DCDC1: variants seen among roughly 807,000 people sequenced by gnomAD.
DCDC1 encodes doublecortin domain-containing protein 1.
In DCDC1, 200 loss-of-function variants were observed where a neutral mutation model predicts 178.3. That is an observed-to-expected ratio of 1.12 (90% CI 1.00 to 1.26). DCDC1 has a LOEUF of 1.26. Among genes scored for constraint, DCDC1 ranks in the 50% most tolerant of loss-of-function variants. The pLI is 0.00. For missense variants in DCDC1, 1,983 were observed against 1,749.2 expected, an observed-to-expected ratio of 1.13 and a Z score of -2.38; for synonymous variants, 690 against 604.8, an observed-to-expected ratio of 1.14 and a Z score of -2.07.
At chr11:31,078,980 T>C (rs1444944450) in intron 17 of DCDC1, among the ~76,000 whole-genome samples, 2 of 152,046 alleles carry the variant, frequency 1.3e-5, no homozygotes, top group Non-Finnish European at 2.9e-5. Context: ...AACTTAGAAA[T>C]AGTAAGAAAC....
intron 9 of DCDC1, among the ~76,000 whole-genome samples, chr11:31,234,318 T>C (rs1175631903): frequency 6.6e-6 from 1 of 152,168 alleles, no homozygotes; most frequent in African/African-American, 2.4e-5. Context: ...GCAACATATA[T>C]AAAATAAGAG....
intron 25 of DCDC1, among the ~76,000 whole-genome samples, chr11:30,919,690 C>T (rs1946108233): frequency 6.6e-6 from 1 of 152,040 alleles, no homozygotes; most frequent in African/African-American, 2.4e-5. Flanking sequence ...ACTGAATCAC[C>T]CATCCAAATG....
At position 31,196,313 on chromosome 11, in the gene DCDC1, G is replaced by T. The variant is rs1358944846; in HGVS notation, c.1221+45137C>A. The stretch of plus-strand genomic sequence containing the variant: ...CTCCAAGTCTCTGGACACCAACTGG[G>T]TGTCCTACAATTTATTTCAATTCTG... On this transcript the variant is annotated intron_variant, in intron 9 of 38. Coordinates refer to ENST00000684477, the MANE Select transcript of DCDC1 (RefSeq NM_001387274.1). Among the ~76,000 whole-genome samples the T allele has an allele frequency of 2.6e-5, 4 of 152,002 alleles. No homozygotes were observed. The East Asian group carries it at 5.8e-4, about 22-fold the overall frequency.
rs1958168287 is a variant in DCDC1 at position 31,096,617 on chromosome 11, T to C, written c.1984-2433A>G. Among the ~76,000 whole-genome samples, 3 of 151,974 alleles carry C rather than the reference T, an allele frequency of 2.0e-5. No individual in the cohort carries two copies. The South Asian group carries it at 6.2e-4, about 32-fold the overall frequency. On this transcript the variant is annotated intron_variant, in intron 15 of 38. Coordinates refer to ENST00000684477, the MANE Select transcript of DCDC1 (RefSeq NM_001387274.1). ...TAACACCATGCTGTTCTTCAAGAGA[T>C]ATTTTGCTGGACAGTTCCCAAGTGA...
chr11:31,034,981 G>T (rs180785343), intron 20 of DCDC1, among the ~76,000 whole-genome samples: 2 of 152,168 alleles, frequency 1.3e-5, no homozygotes, highest in Admixed American at 1.3e-4. Context: ...GGATGTTTTA[G>T]GTCCAGGCAA....
chr11:31,189,093 A>G (rs145608922), intron 9 of DCDC1, among the ~76,000 whole-genome samples: 16 of 152,280 alleles, frequency 1.1e-4, no homozygotes, highest in Admixed American at 2.6e-4. Context: ...CACCAAAACT[A>G]TAAGTAATAA....
intron 20 of DCDC1, among the ~76,000 whole-genome samples, chr11:31,019,570 T>A (rs977135508): frequency 2.0e-4 from 31 of 152,164 alleles, no homozygotes; most frequent in African/African-American, 2.4e-5. Flanking sequence ...GTTTTTATAT[T>A]TTTTTAAAAT....
chr11:31,077,903 T>C lies in DCDC1; in HGVS notation c.2260A>G (p.Lys754Glu), dbSNP rs1326245958. The C allele has an allele frequency of 1.3e-6, 1 of 766,246 alleles. No individual in the cohort carries two copies. 47.5% of individuals were successfully genotyped at this position (766,246 alleles called of 1,614,324 possible). Residue 754 changes from lysine (K) to glutamate (E), a missense_variant, in exon 18 of 39, where the codon AAG (lysine) becomes GAG (glutamate). Lys to Glu is a moderately conservative substitution (Grantham distance 56). Coordinates refer to ENST00000684477, the MANE Select transcript of DCDC1 (RefSeq NM_001387274.1). Reference protein sequence around the residue: ...QKRHSGDDSQKWVFGTDGCIY... With the variant: ...QKRHSGDDSQEWVFGTDGCIY... ...CAACCATCAGTTCCAAACACCCACT[T>C]CTGAGAGTCATCTCCACTATGTCTG... is the stretch of plus-strand genomic sequence containing the variant.
intron 1 of DCDC1, among the ~76,000 whole-genome samples, chr11:31,335,829 T>C (rs1177177019): frequency 6.6e-6 from 1 of 152,058 alleles, no homozygotes; most frequent in Non-Finnish European, 1.5e-5. Flanking sequence ...AGCTACAAAA[T>C]CTCATCTCTG....
At chr11:31,116,417 C>G (rs1028697750) in intron 11 of DCDC1, among the ~76,000 whole-genome samples, 4 of 151,820 alleles carry the variant, frequency 2.6e-5, no homozygotes, top group Non-Finnish European at 2.9e-5. Flanking sequence ...ATTTATCCAA[C>G]CAGAATTCAA....
chr11:30,997,788 T>C (rs1401014847), intron 20 of DCDC1, among the ~76,000 whole-genome samples: 2 of 151,224 alleles, frequency 1.3e-5, no homozygotes, highest in Non-Finnish European at 2.9e-5. Flanking sequence ...AACTCATGTT[T>C]ATTTTACCAT....
At chr11:30,895,636 A>G (rs532692930) in intron 34 of DCDC1, among the ~76,000 whole-genome samples, 1 of 152,306 alleles carries the variant, frequency 6.6e-6, no homozygotes, top group Admixed American at 6.5e-5. Context: ...TTTTCAGGGA[A>G]ACCAGAAATG....
chr11:31,037,703 T>A (rs1565208061), intron 20 of DCDC1, among the ~76,000 whole-genome samples: 1 of 152,076 alleles, frequency 6.6e-6, no homozygotes, highest in Admixed American at 6.5e-5. Context: ...GACCTCGTGA[T>A]CCACCCGCCT....
intron 6 of DCDC1, among the ~76,000 whole-genome samples, chr11:31,300,074 T>C (rs1438745711): frequency 6.6e-6 from 1 of 152,172 alleles, no homozygotes; most frequent in Non-Finnish European, 1.5e-5. Context: ...GCCAGGATAG[T>C]GTTGATCTCT....
intron 7 of DCDC1, among the ~76,000 whole-genome samples, chr11:31,273,718 G>C (rs1301329432): frequency 3.3e-5 from 5 of 152,006 alleles, no homozygotes; most frequent in Non-Finnish European, 7.4e-5. Flanking sequence ...CCCCACTCTT[G>C]GTACCAATTT....
intron 34 of DCDC1, among the ~76,000 whole-genome samples, chr11:30,895,266 A>G (rs766789497): frequency 1.3e-5 from 2 of 152,154 alleles, no homozygotes; most frequent in Non-Finnish European, 2.9e-5. Flanking sequence ...TCCTGCCTCA[A>G]GTTTGGTCGG....
At chr11:30,930,951 T>C (rs1490434290) in intron 22 of DCDC1, among the ~76,000 whole-genome samples, 1 of 152,152 alleles carries the variant, frequency 6.6e-6, no homozygotes, top group Non-Finnish European at 1.5e-5. Flanking sequence ...GGTCATCCAA[T>C]CTGAATGTTA....
At chr11:31,017,049 G>A (rs1952522871) in intron 20 of DCDC1, among the ~76,000 whole-genome samples, 2 of 152,248 alleles carry the variant, frequency 1.3e-5, no homozygotes, top group African/African-American at 4.8e-5. Flanking sequence ...ATGTGAATAT[G>A]TATTTATTTG....
intron 29 of DCDC1, among the ~76,000 whole-genome samples, 174 bp downstream of exon 29, chr11:30,908,772 C>CA (rs1283280144): frequency 6.6e-6 from 1 of 152,114 alleles, no homozygotes; most frequent in Non-Finnish European, 1.5e-5. Context: ...TTTTCTCTCA[C>CA]AATTTTCCTT....
Sources: allele counts gnomAD v4.1 joint callset (sites outside exome capture counted in the v4.1 genomes callset), GRCh38; gene constraint gnomAD v4.1.1; transcripts MANE v1.5; gene names NCBI Gene and HGNC (gene_info 2026-07-23, HGNC 2026-07-21).